The following FAF1 variants were observed in gnomAD, a reference collection of about 807,000 sequenced individuals.
FAF1 encodes Fas associated factor 1, also known as FAS-associated factor 1.
A neutral mutation model predicts 92.5 loss-of-function variants in FAF1; 25 were observed. That is an observed-to-expected ratio of 0.27 (90% CI 0.20 to 0.38). FAF1 has a LOEUF of 0.38. FAF1 is among the 10% of genes least tolerant of loss of function. The pLI, the probability that FAF1 is intolerant of heterozygous loss-of-function variation, is 1.00. For synonymous variants in FAF1, 234 were observed against 273.2 expected (o/e 0.86, Z 1.42); for missense variants, 636 against 793.3 (o/e 0.80, Z 2.38).
chr1:50,470,776 T>C (rs911841785), intron 18 of FAF1: 2 of 152,264 alleles, frequency 1.3e-5, no homozygotes, highest in Non-Finnish European at 2.9e-5. Context: ...AGTTGTCCAA[T>C]GTTCAGTATG....
intron 13 of FAF1, among the ~76,000 whole-genome samples, chr1:50,543,441 T>C (rs1222594244): frequency 6.6e-6 from 1 of 152,168 alleles, no homozygotes; most frequent in Non-Finnish European, 1.5e-5. Context: ...TATTTCAGTG[T>C]GATTCCCATG....
chr1:50,901,733 T>A (rs1169429405), intron 1 of FAF1, among the ~76,000 whole-genome samples: 1 of 151,882 alleles, frequency 6.6e-6, no homozygotes, highest in African/African-American at 2.4e-5. Context: ...GGCATGGTGG[T>A]GCATGCTTGA....
At chr1:50,720,890 T>C (rs1189663034) in intron 6 of FAF1, among the ~76,000 whole-genome samples, 1 of 152,188 alleles carries the variant, frequency 6.6e-6, no homozygotes, top group South Asian at 2.1e-4. Context: ...TCATAACTTG[T>C]ATCATACCAT....
At chr1:50,509,409 C>T (rs1647103808) in intron 15 of FAF1, among the ~76,000 whole-genome samples, 1 of 151,816 alleles carries the variant, frequency 6.6e-6, no homozygotes, top group Non-Finnish European at 1.5e-5. Flanking sequence ...TCCAGGAGTT[C>T]CAGAACAGCC....
chr1:50,517,569 T>A (rs923936698), intron 15 of FAF1, among the ~76,000 whole-genome samples: 18 of 152,146 alleles, frequency 1.2e-4, no homozygotes, highest in African/African-American at 4.8e-5. Context: ...TGGCAATAGG[T>A]CAGAGGCCCA....
intron 1 of FAF1, among the ~76,000 whole-genome samples, chr1:50,935,843 C>T (rs1456777465): frequency 2.0e-5 from 3 of 152,176 alleles, no homozygotes; most frequent in Non-Finnish European, 4.4e-5. Context: ...TTTGCAGCAT[C>T]AATGTTTTCA....
At chr1:50,534,752 T>C (rs901314290) in intron 15 of FAF1, among the ~76,000 whole-genome samples, 4 of 152,228 alleles carry the variant, frequency 2.6e-5, no homozygotes, top group African/African-American at 7.2e-5. Flanking sequence ...GCACAGTGCC[T>C]AGCACATGAT....
At chr1:50,939,279 C>T (rs990857500) in intron 1 of FAF1, among the ~76,000 whole-genome samples, 1 of 152,114 alleles carries the variant, frequency 6.6e-6, no homozygotes, top group Non-Finnish European at 1.5e-5. Flanking sequence ...GAGATTTTCA[C>T]GTCCTTGGTT....
intron 8 of FAF1, among the ~76,000 whole-genome samples, chr1:50,639,167 G>A (rs1654202888): frequency 6.6e-6 from 1 of 152,156 alleles, no homozygotes; most frequent in South Asian, 2.1e-4. Flanking sequence ...CCATTGTATA[G>A]ATATATCACA....
At chr1:50,639,886 A>G (rs1329074319) in intron 8 of FAF1, among the ~76,000 whole-genome samples, 1 of 148,834 alleles carries the variant, frequency 6.7e-6, no homozygotes, top group African/African-American at 2.5e-5. Flanking sequence ...GTGAGCCGAA[A>G]TCATGCCACT....
At chr1:50,755,553 G>A (rs2124517564) in intron 4 of FAF1, among the ~76,000 whole-genome samples, 1 of 152,310 alleles carries the variant, frequency 6.6e-6, no homozygotes, top group East Asian at 1.9e-4. Context: ...TCTGGGGTCT[G>A]GAGAACAGTG....
At chr1:50,587,531 T>C (rs1051331685) in intron 9 of FAF1, among the ~76,000 whole-genome samples, 1 of 152,226 alleles carries the variant, frequency 6.6e-6, no homozygotes, top group African/African-American at 2.4e-5. Context: ...TCATTAATGT[T>C]TGCTGATGAG....
chr1:50,782,131 A>G (rs1158239612), intron 4 of FAF1, among the ~76,000 whole-genome samples: 1 of 152,216 alleles, frequency 6.6e-6, no homozygotes, highest in Non-Finnish European at 1.5e-5. Context: ...TGGTTTATGT[A>G]TTCACTATAC....
chr1:50,775,758 GA>G (rs1011491088), intron 4 of FAF1, among the ~76,000 whole-genome samples: 53 of 148,954 alleles, frequency 3.6e-4, no homozygotes, highest in Non-Finnish European at 4.8e-4. Context: ...AAAGGGGGAC[GA>G]AAAAAAAAGG....
intron 13 of FAF1, among the ~76,000 whole-genome samples, chr1:50,556,891 A>G (rs548837510): frequency 2.0e-5 from 3 of 152,014 alleles, no homozygotes; most frequent in Non-Finnish European, 4.4e-5. Flanking sequence ...ATAAAATAAA[A>G]TAGAAAATCA....
intron 2 of FAF1, among the ~76,000 whole-genome samples, chr1:50,820,082 T>C (rs149276432): frequency 1.3e-5 from 2 of 151,712 alleles, no homozygotes; most frequent in Non-Finnish European, 2.9e-5. Flanking sequence ...CTTAAAGTAG[T>C]TGAATTCACA....
intron 4 of FAF1, among the ~76,000 whole-genome samples, chr1:50,751,243 T>C (rs2124510268): frequency 6.6e-6 from 1 of 151,994 alleles, no homozygotes; most frequent in South Asian, 2.1e-4. Context: ...CCTACAATAG[T>C]TGATAATGAA....
At chr1:50,685,830 C>A (rs1198173236) in intron 7 of FAF1, among the ~76,000 whole-genome samples, 1 of 152,212 alleles carries the variant, frequency 6.6e-6, no homozygotes, top group Non-Finnish European at 1.5e-5. Flanking sequence ...AGGTCAGTAA[C>A]TAGAATATCA....
intron 2 of FAF1, among the ~76,000 whole-genome samples, chr1:50,843,190 A>G (rs1321617779): frequency 6.6e-6 from 1 of 152,138 alleles, no homozygotes; most frequent in African/African-American, 2.4e-5. Context: ...TTTTTTTAAT[A>G]TTGAGGGCCG....
Sources: gnomAD v4.1 joint callset for allele counts (sites outside exome capture counted in the v4.1 genomes callset) on GRCh38, gnomAD v4.1.1 for gene constraint, MANE v1.5 for transcripts, NCBI Gene and HGNC (gene_info 2026-07-23, HGNC 2026-07-21) for gene names.